ITFG1: variants seen among roughly 807,000 people sequenced by gnomAD.
ITFG1 encodes the protein integrin alpha FG-GAP repeat containing 1.
In ITFG1, 34 loss-of-function variants were observed where a neutral mutation model predicts 81.8. That is an observed-to-expected ratio of 0.42 (90% CI 0.32 to 0.55). ITFG1 has a LOEUF of 0.55. Among genes scored for constraint, ITFG1 ranks in the 20% least tolerant of loss-of-function variants. ITFG1 has a pLI of 0.17. For synonymous variants in ITFG1, 285 were observed against 270.6 expected (o/e 1.05, Z -0.52); for missense variants, 672 against 755.4 (o/e 0.89, Z 1.29).
intron 10 of ITFG1, among the ~76,000 whole-genome samples, chr16:47,297,264 T>C (rs915149124): frequency 6.6e-6 from 1 of 152,244 alleles, no homozygotes; most frequent in Non-Finnish European, 1.5e-5. Context: ...TTTCCATTCA[T>C]GTGAGGAAAA....
chr16:47,408,279 AT>A (rs1968754906), intron 6 of ITFG1, among the ~76,000 whole-genome samples: 1 of 152,172 alleles, frequency 6.6e-6, no homozygotes, highest in Non-Finnish European at 1.5e-5. Context: ...TATTAAAGAA[AT>A]TTTCAGGTTA....
rs554227442 is a variant in ITFG1 at position 47,183,485 on chromosome 16, C to A, written c.1454-20821G>T. Among the ~76,000 whole-genome samples, 104 of 152,352 alleles carry A rather than the reference C, an allele frequency of 6.8e-4. 2 individuals carry two copies. Among genetic ancestry groups the A allele is most frequent in the African/African-American group, 2.4e-3 (99 of 41,590 alleles). On this transcript the variant is annotated intron_variant, in intron 14 of 17. Coordinates refer to ENST00000320640, the MANE Select transcript of ITFG1 (RefSeq NM_030790.5). The stretch of plus-strand genomic sequence containing the variant: ...GGGTCCCTGACCCCTGACCCCTGAC[C>A]CCCAGGCAGCCTAACTGGGAGGCAC...
intron 10 of ITFG1, among the ~76,000 whole-genome samples, chr16:47,279,157 C>A (rs917080434): frequency 6.6e-6 from 1 of 152,076 alleles, no homozygotes; most frequent in Non-Finnish European, 1.5e-5. Context: ...AACTTATCAG[C>A]CTTTCTCTTT....
At chr16:47,316,074 AGCCACT>A in intron 8 of ITFG1, among the ~76,000 whole-genome samples, 1 of 152,186 alleles carries the variant, frequency 6.6e-6, no homozygotes, top group East Asian at 1.9e-4. Flanking sequence ...TACAGGCATG[AGCCACT>A]GCCTCTGGCC....
intron 12 of ITFG1, among the ~76,000 whole-genome samples, chr16:47,244,391 T>C (rs1289379695): frequency 6.6e-6 from 1 of 152,110 alleles, no homozygotes; most frequent in African/African-American, 2.4e-5. Context: ...ACCTATGGGA[T>C]CTGACAGATT....
intron 14 of ITFG1, among the ~76,000 whole-genome samples, chr16:47,166,888 G>A (rs897958325): frequency 6.6e-6 from 1 of 152,054 alleles, no homozygotes; most frequent in African/African-American, 2.4e-5. Context: ...CTAAGGAGAG[G>A]GTTGCATCAC....
rs543965202 is a variant in ITFG1 at position 47,333,791 on chromosome 16, T to C, written c.803-19968A>G. Among the ~76,000 whole-genome samples, 412 of 152,332 alleles carry C rather than the reference T, an allele frequency of 2.7e-3. 1 individual carries two copies. The highest frequency in any genetic ancestry group is 6.3e-3 in the Admixed American group (97 of 15,298). ...TCGTGCTTTAAGGAACTGCTCTTTT[T>C]ACCTTGCTCTTCAAGCAGGAAAACA... On this transcript the variant is annotated intron_variant, in intron 8 of 17. Coordinates refer to ENST00000320640, the MANE Select transcript of ITFG1 (RefSeq NM_030790.5).
chr16:47,158,639 A>G (rs1162211088), intron 17 of ITFG1, among the ~76,000 whole-genome samples: 3 of 152,186 alleles, frequency 2.0e-5, no homozygotes, highest in South Asian at 2.1e-4. Flanking sequence ...TACTGCATCA[A>G]ACTTTTAAAG....
intron 10 of ITFG1, among the ~76,000 whole-genome samples, chr16:47,278,800 G>A (rs974364734): frequency 6.6e-5 from 10 of 152,170 alleles, no homozygotes; most frequent in African/African-American, 2.4e-4. Context: ...ATTATTATCA[G>A]CTAATAGGAA....
chr16:47,268,685 C>T (rs948248590), intron 10 of ITFG1, among the ~76,000 whole-genome samples: 4 of 152,080 alleles, frequency 2.6e-5, no homozygotes, highest in Non-Finnish European at 5.9e-5. Context: ...TTTTTTGAAC[C>T]ATGTCTCTGC....
chr16:47,276,736 G>A (rs754218619), intron 10 of ITFG1, among the ~76,000 whole-genome samples: 4 of 152,046 alleles, frequency 2.6e-5, no homozygotes, highest in Non-Finnish European at 5.9e-5. Context: ...CAGAGAAACT[G>A]GATACACACA....
intron 6 of ITFG1, among the ~76,000 whole-genome samples, chr16:47,417,709 T>C (rs945156730): frequency 3.9e-5 from 6 of 152,222 alleles, no homozygotes; most frequent in African/African-American, 1.4e-4. Context: ...AATAACAGGC[T>C]TTCATTCTTT....
intron 6 of ITFG1, among the ~76,000 whole-genome samples, chr16:47,400,773 G>A (rs1008807697): frequency 6.6e-6 from 1 of 152,138 alleles, no homozygotes; most frequent in East Asian, 1.9e-4. Flanking sequence ...GAAACAGCAT[G>A]TAAGCTCCAT....
chr16:47,417,458 TAC>T (rs1329146737), intron 6 of ITFG1, among the ~76,000 whole-genome samples: 3 of 152,222 alleles, frequency 2.0e-5, no homozygotes, highest in African/African-American at 7.2e-5. Context: ...TGTTGTTAAC[TAC>T]AGTCACCCTG....
intron 14 of ITFG1, among the ~76,000 whole-genome samples, chr16:47,162,908 A>G (rs1464909857): frequency 6.6e-6 from 1 of 152,098 alleles, no homozygotes; most frequent in South Asian, 2.1e-4. Flanking sequence ...TCTCAGGCTC[A>G]AGCTATCCTC....
chr16:47,181,679 G>T lies in ITFG1; in HGVS notation c.1454-19015C>A, dbSNP rs1446390948. Reference sequence around the variant, plus strand: ...GCCCGGCCACCACCCCATCTGGGAGGTGTACCCAACAGCTCATTGAGAATG... The same window carrying T: ...GCCCGGCCACCACCCCATCTGGGAGTTGTACCCAACAGCTCATTGAGAATG... On this transcript the variant is annotated intron_variant, in intron 14 of 17. Coordinates refer to ENST00000320640, the MANE Select transcript of ITFG1 (RefSeq NM_030790.5). 2.0e-5 allele frequency among the ~76,000 whole-genome samples: 3 copies of T among 152,268 alleles called. No homozygotes were observed. The East Asian group carries it at 5.8e-4, about 29-fold the overall frequency.
chr16:47,164,721 T>G (rs1964864795), intron 14 of ITFG1, among the ~76,000 whole-genome samples: 1 of 152,250 alleles, frequency 6.6e-6, no homozygotes, highest in South Asian at 2.1e-4. Context: ...TCAAATGAAA[T>G]AGCCAAGATG....
Position 47,365,776 on chromosome 16 carries a change from A to G in ITFG1, c.802+12T>C. The G allele has an allele frequency of 7.2e-7, 1 of 1,395,824 alleles. No individual in the cohort carries two copies. Among genetic ancestry groups the G allele is most frequent in the Non-Finnish European group, 9.9e-7 (1 of 1,012,704 alleles). The allele number at this position is 1,395,824 out of a possible 1,614,324, so 86.5% of individuals were successfully genotyped here. Reference sequence around the variant, plus strand: ...GCAAAAGCCTTTTTTTTTTTTTTTTACCAAATCTTACCAAAGTCTGCAAAT... The same window carrying G: ...GCAAAAGCCTTTTTTTTTTTTTTTTGCCAAATCTTACCAAAGTCTGCAAAT... On this transcript the variant is annotated intron_variant, in intron 8 of 17. Transcript: ENST00000320640.
rs542931356 is a variant in ITFG1, at chr16:47,329,572, T to C, written c.803-15749A>G. Among the ~76,000 whole-genome samples, 4 of 152,290 alleles carry C rather than the reference T, an allele frequency of 2.6e-5. No individual in the cohort carries two copies. The South Asian group carries it at 6.2e-4, about 24-fold the overall frequency. The stretch of plus-strand genomic sequence containing the variant: ...AAATGCATACTATCCCAATGTTTTC[T>C]TGTAAAGATTAAATGATGATGATGA... On this transcript the variant is annotated intron_variant, in intron 8 of 17. Coordinates refer to ENST00000320640, the MANE Select transcript of ITFG1 (RefSeq NM_030790.5).
Sources: allele counts gnomAD v4.1 joint callset (sites outside exome capture counted in the v4.1 genomes callset), GRCh38; gene constraint gnomAD v4.1.1; transcripts MANE v1.5; gene names NCBI Gene and HGNC (gene_info 2026-07-23, HGNC 2026-07-21).